The following HDAC9 variants were observed in gnomAD, a reference collection of about 807,000 sequenced individuals.
HDAC9 encodes the protein MEF-2 interacting transcription repressor (MITR) protein.
Under a neutral mutation model 139.4 loss-of-function variants are expected in HDAC9, and 41 were observed. The observed-to-expected ratio is 0.29, with a 90% CI of 0.23 to 0.38. The LOEUF is 0.38. Ranked by LOEUF, HDAC9 falls within the 10% of genes least tolerant of loss-of-function variation. The pLI, the probability that HDAC9 is intolerant of heterozygous loss-of-function variation, is 1.00. For missense variants in HDAC9, 1,147 were observed against 1,297.0 expected (o/e 0.88, Z 1.78); for synonymous variants, 517 against 476.2 (o/e 1.09, Z -1.12).
chr7:18,835,661 T>A (rs1796183695), intron 20 of HDAC9, 75 bp downstream of exon 20: 2 of 1,569,298 alleles, frequency 1.3e-6, no homozygotes, highest in East Asian at 4.5e-5. Flanking sequence ...TACCCCTAAT[T>A]TTCTTGTCCT....
rs996444462 is a variant in HDAC9, at chr7:18,188,916, A to G, written c.25+26567A>G. Among the ~76,000 whole-genome samples, 7 of 152,360 alleles carry G rather than the reference A, an allele frequency of 4.6e-5. No individual in the cohort carries two copies. The East Asian group carries it at 1.2e-3, about 25-fold the overall frequency. On this transcript the variant is annotated intron_variant, in intron 2 of 12. Coordinates refer to the HDAC9 transcript ENST00000417496. ...GGTGGGGATGAAAATTAGTTCAACC[A>G]TTGTGGAAGACAGTATGGCAATTCC...
chr7:18,178,858 A>C (rs576994892), intron 2 of HDAC9, among the ~76,000 whole-genome samples: 16 of 152,332 alleles, frequency 1.1e-4, no homozygotes, highest in Non-Finnish European at 1.8e-4. Context: ...GTGACTTTTC[A>C]ATCTGTATAC....
chr7:18,165,938 T>A (rs1459901381), intron 2 of HDAC9, among the ~76,000 whole-genome samples: 1 of 152,096 alleles, frequency 6.6e-6, no homozygotes, highest in Non-Finnish European at 1.5e-5. Context: ...CCAAAGAGAT[T>A]TTTATGGAGT....
Position 18,547,876 on chromosome 7 carries a change from C to T in HDAC9, c.23-37405C>T, listed in dbSNP as rs564337540. Among the ~76,000 whole-genome samples the T allele has an allele frequency of 5.2e-4, 69 of 132,004 alleles. 1 individual carries two copies. Among genetic ancestry groups the T allele is most frequent in the Non-Finnish European group, 6.3e-4 (38 of 59,966 alleles). 86.6% of individuals were successfully genotyped at this position (132,004 alleles called of 152,430 possible). A position where few individuals can be genotyped will look rare whatever the true frequency, so the allele number is the denominator to read the frequency against. On this transcript the variant is annotated intron_variant, in intron 2 of 25. Coordinates refer to ENST00000686413, the MANE Select transcript of HDAC9 (RefSeq NM_178425.4). ...CCTTCCTACCCTCCCTCCCTCCCTCCCTCCCTCTCTCCCTCTCTCCCTCTC... is the reference window on the plus strand; with the variant it reads ...CCTTCCTACCCTCCCTCCCTCCCTCTCTCCCTCTCTCCCTCTCTCCCTCTC...
chr7:18,298,851 G>A (rs1798329208), intron 1 of HDAC9, among the ~76,000 whole-genome samples: 1 of 152,096 alleles, frequency 6.6e-6, no homozygotes. Flanking sequence ...TAGGAAAACT[G>A]AAATTTTATT....
chr7:18,099,958 C>T (rs1484707740), intron 1 of HDAC9, among the ~76,000 whole-genome samples: 1 of 152,112 alleles, frequency 6.6e-6, no homozygotes, highest in Non-Finnish European at 1.5e-5. Flanking sequence ...CCAGATTTTC[C>T]TCTGATATCC....
At chr7:18,919,586 G>T (rs867497249) in intron 22 of HDAC9, among the ~76,000 whole-genome samples, 7 of 151,984 alleles carry the variant, frequency 4.6e-5, no homozygotes, top group African/African-American at 1.2e-4. Context: ...TTTCAAAGAA[G>T]ATTTCACAGG....
At chr7:18,325,325 A>G (rs584781) in intron 1 of HDAC9, among the ~76,000 whole-genome samples, 137,968 of 152,104 alleles carry the variant, frequency 0.91, 63,254 homozygotes, top group East Asian at 1. Context: ...CAATTTCCCC[A>G]GTTGACATTA....
intron 25 of HDAC9, among the ~76,000 whole-genome samples, chr7:18,984,049 T>C (rs1332300274): frequency 6.6e-6 from 1 of 152,150 alleles, no homozygotes; most frequent in Admixed American, 6.5e-5. Context: ...CCTCCATGCT[T>C]TCTCATGTCT....
intron 12 of HDAC9, among the ~76,000 whole-genome samples, chr7:18,679,154 T>C (rs1781718322): frequency 6.6e-6 from 1 of 151,970 alleles, no homozygotes; most frequent in East Asian, 1.9e-4. Flanking sequence ...TAGAAGCTAG[T>C]CACTTACTGG....
At chr7:18,915,842 A>G (rs989679716) in intron 22 of HDAC9, among the ~76,000 whole-genome samples, 1 of 151,752 alleles carries the variant, frequency 6.6e-6, no homozygotes, top group Non-Finnish European at 1.5e-5. Context: ...TGTTAACTTT[A>G]AAATTGTGTT....
At chr7:18,595,470 G>A (rs1832208474) in intron 6 of HDAC9, among the ~76,000 whole-genome samples, 1 of 152,030 alleles carries the variant, frequency 6.6e-6, no homozygotes, top group African/African-American at 2.4e-5. Flanking sequence ...TTAGAATGTG[G>A]GGACTTTGAT....
In HDAC9 at chr7:18,990,582, T is replaced by A. The variant is rs577762304; in HGVS notation, c.3171-5441T>A. ...GAGCTGTGGTGGGCTCCACCCAGTT[T>A]GAGCTTCCAGGCTGCTTTGTTTACC... On this transcript the variant is annotated intron_variant, in intron 25 of 25. Transcript: ENST00000686413. Among the ~76,000 whole-genome samples the A allele has an allele frequency of 7.1e-4, 108 of 152,330 alleles. 2 individuals carry two copies. Among genetic ancestry groups the A allele is most frequent in the South Asian group, 4.1e-3 (20 of 4,830 alleles).
intron 23 of HDAC9, among the ~76,000 whole-genome samples, chr7:18,946,294 T>C (rs1197268067): frequency 6.6e-6 from 1 of 152,124 alleles, no homozygotes; most frequent in African/African-American, 2.4e-5. Context: ...TGCATTTTTA[T>C]ATAAAATTTT....
chr7:18,460,386 A>G (rs964870314), intron 1 of HDAC9, among the ~76,000 whole-genome samples: 1 of 152,184 alleles, frequency 6.6e-6, no homozygotes, highest in Non-Finnish European at 1.5e-5. Flanking sequence ...TTTCAATTAT[A>G]TAAAATTTTG....
Position 18,319,147 on chromosome 7 carries a change from T to G in HDAC9, c.-42+28632T>G, listed in dbSNP as rs986447306. Among the ~76,000 whole-genome samples the G allele has an allele frequency of 3.3e-5, 5 of 152,328 alleles. No individual in the cohort carries two copies. In the South Asian group the frequency reaches 8.3e-4, roughly 25 times the overall value. ...GATAATCTTAAAAACGCCATGATGG[T>G]TGAAACAAAAACACTTCGTGGTATT... On this transcript the variant is annotated intron_variant, in intron 1 of 3. Transcript: ENST00000413509.
chr7:18,616,888 A>G (rs1838754902), intron 6 of HDAC9, among the ~76,000 whole-genome samples: 1 of 152,222 alleles, frequency 6.6e-6, no homozygotes. Context: ...TTACACCTAA[A>G]GACTTAAAAT....
chr7:18,499,819 A>G (rs1350103258), intron 2 of HDAC9, among the ~76,000 whole-genome samples: 3 of 152,176 alleles, frequency 2.0e-5, no homozygotes, highest in Non-Finnish European at 2.9e-5. Context: ...ATTCTTTTAT[A>G]TATCTTCACC....
chr7:18,897,238 CAG>C (rs1801283922), intron 22 of HDAC9, among the ~76,000 whole-genome samples: 1 of 151,838 alleles, frequency 6.6e-6, no homozygotes, highest in African/African-American at 2.4e-5. Context: ...TTATTTGTAA[CAG>C]AGTGTGGTTA....
Sources: gnomAD v4.1 joint callset for allele counts (sites outside exome capture counted in the v4.1 genomes callset) on GRCh38, gnomAD v4.1.1 for gene constraint, MANE v1.5 for transcripts, NCBI Gene and HGNC (gene_info 2026-07-23, HGNC 2026-07-21) for gene names.